SHISA6: variants seen among roughly 807,000 people sequenced by gnomAD.
SHISA6 encodes the protein protein shisa-6.
Under a neutral mutation model 47.9 loss-of-function variants are expected in SHISA6, and 22 were observed. The ratio of observed to expected loss-of-function variants is 0.46; its 90% confidence interval spans 0.33 to 0.66. The LOEUF (loss-of-function observed/expected upper bound fraction) is 0.66. Among genes scored for constraint, SHISA6 ranks in the 30% least tolerant of loss-of-function variants. SHISA6 has a pLI of 0.02. For synonymous variants in SHISA6, 388 were observed against 337.8 expected, an observed-to-expected ratio of 1.15 and a Z score of -1.63; for missense variants, 680 against 764.6, an observed-to-expected ratio of 0.89 and a Z score of 1.30.
At chr17:11,262,009 C>T (rs938188441) in intron 1 of SHISA6, among the ~76,000 whole-genome samples, 1 of 152,076 alleles carries the variant, frequency 6.6e-6, no homozygotes, top group Non-Finnish European at 1.5e-5. Context: ...TTATAGCTAT[C>T]CTAGTGTGTA....
chr17:11,413,390 T>C (rs1914192767), intron 3 of SHISA6, among the ~76,000 whole-genome samples: 1 of 152,192 alleles, frequency 6.6e-6, no homozygotes, highest in Non-Finnish European at 1.5e-5. Context: ...AGTTATGACA[T>C]TCAAGCTCAG....
At chr17:11,325,356 G>A (rs1910841241) in intron 2 of SHISA6, among the ~76,000 whole-genome samples, 1 of 152,198 alleles carries the variant, frequency 6.6e-6, no homozygotes, top group Admixed American at 6.5e-5. Flanking sequence ...TATTTCCTAA[G>A]CAAACTAGGT....
chr17:11,400,747 C>T (rs1473556892), intron 3 of SHISA6, among the ~76,000 whole-genome samples: 1 of 152,152 alleles, frequency 6.6e-6, no homozygotes, highest in Non-Finnish European at 1.5e-5. Flanking sequence ...TTCTGATTGT[C>T]CATATGTGGG....
At chr17:11,338,401 T>G (rs893484429) in intron 2 of SHISA6, among the ~76,000 whole-genome samples, 2 of 152,080 alleles carry the variant, frequency 1.3e-5, no homozygotes, top group South Asian at 2.1e-4. Flanking sequence ...TTGTTTATTT[T>G]TTTGTTTGTT....
intron 2 of SHISA6, among the ~76,000 whole-genome samples, chr17:11,357,166 C>T (rs1402004770): frequency 7.0e-5 from 8 of 114,200 alleles, no homozygotes; most frequent in East Asian, 2.7e-4. Context: ...CCAGCCTGGG[C>T]GACAGAGCGA....
chr17:11,456,926 C>G (rs1190311747), intron 3 of SHISA6, among the ~76,000 whole-genome samples: 1 of 152,264 alleles, frequency 6.6e-6, no homozygotes, highest in African/African-American at 2.4e-5. Context: ...TAGCAGGGTC[C>G]TCAGCTCCTG....
At chr17:11,382,189 C>T (rs991400608) in intron 3 of SHISA6, among the ~76,000 whole-genome samples, 4 of 152,104 alleles carry the variant, frequency 2.6e-5, no homozygotes, top group African/African-American at 9.7e-5. Flanking sequence ...CCTTCCATTT[C>T]AGCCTCTTGA....
chr17:11,501,599 C>T (rs1396288207), intron 3 of SHISA6, among the ~76,000 whole-genome samples: 1 of 152,074 alleles, frequency 6.6e-6, no homozygotes, highest in African/African-American at 2.4e-5. Flanking sequence ...AGTTGGGCCT[C>T]CATAGGTGCT....
intron 1 of SHISA6, among the ~76,000 whole-genome samples, chr17:11,251,845 T>C (rs866019299): frequency 1.3e-5 from 2 of 152,104 alleles, no homozygotes; most frequent in African/African-American, 4.8e-5. Context: ...TGGGACACTC[T>C]TAATAGCCTG....
chr17:11,348,708 CA>C (rs1911778610), intron 2 of SHISA6, among the ~76,000 whole-genome samples: 1 of 151,780 alleles, frequency 6.6e-6, no homozygotes, highest in Non-Finnish European at 1.5e-5. Flanking sequence ...TCATAAGAAA[CA>C]AGTTCATTTG....
At chr17:11,399,498 T>C (rs914656298) in intron 3 of SHISA6, among the ~76,000 whole-genome samples, 3 of 152,226 alleles carry the variant, frequency 2.0e-5, no homozygotes, top group Admixed American at 2.0e-4. Context: ...CTCAGCTCAC[T>C]GCAACCTCCG....
At chr17:11,242,804 C>T (rs568224937) in intron 1 of SHISA6, among the ~76,000 whole-genome samples, 158 of 152,306 alleles carry the variant, frequency 1.0e-3, no homozygotes, top group African/African-American at 3.5e-3. Context: ...AAAACTTACG[C>T]CAAGAGCTCA....
intron 2 of SHISA6, among the ~76,000 whole-genome samples, chr17:11,339,460 T>C (rs1023072287): frequency 2.6e-5 from 4 of 152,170 alleles, no homozygotes; most frequent in African/African-American, 7.2e-5. Flanking sequence ...ATTTTTAAAT[T>C]TTTCTACAAG....
intron 3 of SHISA6, among the ~76,000 whole-genome samples, chr17:11,475,925 G>A (rs543760788): frequency 1.0e-3 from 158 of 152,054 alleles, no homozygotes; most frequent in Non-Finnish European, 2.0e-3. Context: ...GGTGACTTCA[G>A]TTCTGGAAGG....
At position 11,241,538 on chromosome 17, in the gene SHISA6, G is replaced by T; in HGVS notation, c.116G>T (p.Gly39Val). ...GCCAACCGGACCCTGAGTGCAGGCGGCGCTGCCGTCGGGGGCCGGAGGGCC... is the reference window on the plus strand; with the variant it reads ...GCCAACCGGACCCTGAGTGCAGGCGTCGCTGCCGTCGGGGGCCGGAGGGCC... The part of the protein sequence containing the change: ...RAANRTLSAG[G>V]AAVGGRRAGG... The change falls in exon 1 of 6, where the codon GGC becomes GTC. Residue 39 changes from glycine (G) to valine (V), a missense_variant. Physicochemically the swap from Gly to Val is moderately radical, Grantham distance 109. Transcript: ENST00000441885. This position sits in a 1 kb window ranked among gnomAD's most constrained non-coding sequence, Gnocchi z 5.5. 9.2e-7 allele frequency: 1 copy of T among 1,092,724 alleles called. No homozygotes were observed. Among genetic ancestry groups the T allele is most frequent in the Non-Finnish European group, 1.1e-6 (1 of 901,334 alleles). The allele number at this position is 1,092,724 out of a possible 1,614,324, so 67.7% of individuals were successfully genotyped here.
At chr17:11,344,861 T>C (rs1314656817) in intron 2 of SHISA6, among the ~76,000 whole-genome samples, 1 of 152,110 alleles carries the variant, frequency 6.6e-6, no homozygotes, top group African/African-American at 2.4e-5. Flanking sequence ...TGTAGTTCTA[T>C]AGAACGCTAG....
At chr17:11,544,961 CAAA>C (rs374571214) in intron 3 of SHISA6, among the ~76,000 whole-genome samples, 4 of 62,656 alleles carry the variant, frequency 6.4e-5, no homozygotes, top group South Asian at 5.7e-4. Context: ...ACTCTCTCTC[CAAA>C]AAAAAAAAAA....
chr17:11,252,994 A>G (rs1196722287), intron 1 of SHISA6, among the ~76,000 whole-genome samples: 2 of 152,236 alleles, frequency 1.3e-5, no homozygotes, highest in East Asian at 3.8e-4. Flanking sequence ...GATAATCAAC[A>G]GCCAGCTTCT....
intron 1 of SHISA6, among the ~76,000 whole-genome samples, chr17:11,252,336 C>T (rs1207214381): frequency 6.6e-6 from 1 of 152,168 alleles, no homozygotes; most frequent in African/African-American, 2.4e-5. Context: ...ATTAAAGTCT[C>T]ATTACTCAGG....
Sources: allele counts gnomAD v4.1 joint callset (sites outside exome capture counted in the v4.1 genomes callset), GRCh38; gene constraint gnomAD v4.1.1; non-coding constraint Gnocchi (gnomAD v3.1); transcripts MANE v1.5; gene names NCBI Gene and HGNC (gene_info 2026-07-23, HGNC 2026-07-21).